Variants in TCHP observed in about 807,000 individuals in gnomAD.
TCHP encodes trichoplein keratin filament binding, also known as trichoplein keratin filament-binding protein.
Under a neutral mutation model 88.7 loss-of-function variants are expected in TCHP, and 81 were observed. That is an observed-to-expected ratio of 0.91 (90% CI 0.76 to 1.10). The LOEUF is 1.10. Among genes scored for constraint, TCHP ranks in the 50% least tolerant of loss-of-function variants. TCHP has a pLI of 0.00. For synonymous variants in TCHP, 232 were observed against 232.5 expected, an observed-to-expected ratio of 1.00 and a Z score of 0.02; for missense variants, 641 against 632.1, an observed-to-expected ratio of 1.01 and a Z score of -0.15.
At position 109,904,140 on chromosome 12, in the gene TCHP, G is replaced by A. The variant is rs1385733884; in HGVS notation, c.392G>A (p.Arg131Lys). The change falls in exon 3 of 13, where the codon AGG becomes AAG. Residue 131 changes from arginine (R) to lysine (K), a missense_variant. Arg to Lys is a conservative substitution (Grantham distance 26). Transcript: ENST00000405876. ...GKLKSAKEEQRKLIAEQLLYE... is the reference protein window; with the variant it reads ...GKLKSAKEEQKKLIAEQLLYE... ...CTGAAATCAGCCAAAGAAGAGCAGA[G>A]GAAACTGGTAACTCCCCAGAGGGCT... 6.4e-7 allele frequency: 1 copy of A among 1,568,568 alleles called. No individual in the cohort carries two copies.
rs373041578 is a variant in TCHP at position 109,904,831 on chromosome 12, A to G, written c.456+38A>G. Reference sequence around the variant, plus strand: ...GATCTCCATTGATTTATCTAAGTAGATGAAATCATGTTTCCAGACACTTTT... The same window carrying G: ...GATCTCCATTGATTTATCTAAGTAGGTGAAATCATGTTTCCAGACACTTTT... On this transcript the variant is annotated intron_variant, in intron 4 of 12. Coordinates refer to ENST00000405876, the MANE Select transcript of TCHP (RefSeq NM_001143852.2). 1.3e-5 allele frequency: 20 copies of G among 1,567,670 alleles called. No individual in the cohort carries two copies. The Middle Eastern group carries it at 5.1e-4, about 40-fold the overall frequency.
chr12:109,895,842 C>A (rs1869545579), upstream of TCHP, among the ~76,000 whole-genome samples: 1 of 152,200 alleles, frequency 6.6e-6, no homozygotes, highest in Admixed American at 6.5e-5. Context: ...GCAGCTCCAA[C>A]CTGCGGGTTC....
At chr12:109,906,394 C>G (rs1368384231) in intron 4 of TCHP, among the ~76,000 whole-genome samples, 178 bp from the exon 5 acceptor site, 1 of 152,142 alleles carries the variant, frequency 6.6e-6, no homozygotes. Flanking sequence ...GACATGCATT[C>G]ACACTATACA....
the TCHP span, among the ~76,000 whole-genome samples, chr12:109,885,856 C>T: frequency 9.6e-4 from 146 of 151,788 alleles, 1 homozygote; most frequent in African/African-American, 3.3e-3. Flanking sequence ...TAGCTCACTG[C>T]GGCCTTGAAC....
intron 1 of TCHP, among the ~76,000 whole-genome samples, chr12:109,902,014 T>G (rs1869826715): frequency 6.6e-6 from 1 of 152,230 alleles, no homozygotes; most frequent in Admixed American, 6.5e-5. Context: ...ATTGAGTGCT[T>G]GGCACATACA....
the TCHP span, among the ~76,000 whole-genome samples, chr12:109,892,483 GA>G: frequency 6.6e-6 from 1 of 152,198 alleles, no homozygotes; most frequent in Non-Finnish European, 1.5e-5. Context: ...CATGCCAAGG[GA>G]AATGGGGAGC....
rs142382446 is a variant in TCHP, at chr12:109,906,475, A to G, written c.457-97A>G. Reference sequence around the variant, plus strand: ...GTCCCCATGAAGCGAAGTCATGGCCACGTTCCCGCAGGTGGCACAGAGGGC... The same window carrying G: ...GTCCCCATGAAGCGAAGTCATGGCCGCGTTCCCGCAGGTGGCACAGAGGGC... On this transcript the variant is annotated intron_variant, in intron 4 of 12. Coordinates refer to ENST00000405876, the MANE Select transcript of TCHP (RefSeq NM_001143852.2). The G allele has an allele frequency of 1.5e-3, 1,773 of 1,164,788 alleles. 4 individuals are homozygous for G. Among genetic ancestry groups the G allele is most frequent in the Non-Finnish European group, 2.0e-3 (1,566 of 794,236 alleles). The allele number at this position is 1,164,788 out of a possible 1,614,324, so 72.2% of individuals were successfully genotyped here. A position where few individuals can be genotyped will look rare whatever the true frequency, so the allele number is the denominator to read the frequency against.
At chr12:109,915,572 C>T in intron 12 of TCHP, 26 bp downstream of exon 12, 1 of 1,591,752 alleles carries the variant, frequency 6.3e-7, no homozygotes, top group Non-Finnish European at 8.6e-7. Flanking sequence ...GGATATAGGC[C>T]AACACCGGCA....
At position 109,911,071 on chromosome 12, in the gene TCHP, C is replaced by G. The variant is rs1241947207; in HGVS notation, c.888C>G (p.Asp296Glu). The G allele has an allele frequency of 1.9e-6, 3 of 1,577,882 alleles. No homozygotes were observed. The highest frequency in any genetic ancestry group is 2.6e-6 in the Non-Finnish European group (3 of 1,162,080). Residue 296 changes from aspartate to glutamate, a missense_variant, in exon 9 of 13, where the codon GAC (aspartate) becomes GAG (glutamate). Physicochemically the swap from Asp to Glu is conservative, Grantham distance 45 (BLOSUM62 2). Coordinates refer to ENST00000405876, the MANE Select transcript of TCHP (RefSeq NM_001143852.2). Reference protein sequence around the residue: ...TQQIQEELEADRRILQALLEK... With the variant: ...TQQIQEELEAERRILQALLEK... ...CCCTCTGCTTCCTCTAGGAGGCAGACAGGCGGATCCTGCAGGCCCTCCTCG... is the reference window on the plus strand; with the variant it reads ...CCCTCTGCTTCCTCTAGGAGGCAGAGAGGCGGATCCTGCAGGCCCTCCTCG...
At chr12:109,885,928 C>T in the TCHP span, among the ~76,000 whole-genome samples, 1 of 151,964 alleles carries the variant, frequency 6.6e-6, no homozygotes, top group South Asian at 2.1e-4. Flanking sequence ...CAGGTGTGTG[C>T]CTATTATTGC....
intron 12 of TCHP, 131 bp downstream of exon 12, chr12:109,915,677 T>A: frequency 1.8e-6 from 2 of 1,114,994 alleles, no homozygotes; most frequent in Non-Finnish European, 2.5e-6. Flanking sequence ...CTTGTTTCTC[T>A]TCTCTTGTAT....
Position 109,915,472 on chromosome 12 carries a change from C to T in TCHP, c.1390C>T (p.Arg464Trp), listed in dbSNP as rs201935991. The change falls in exon 12 of 13, where the codon CGG (arginine) becomes TGG (tryptophan). Residue 464 changes from arginine (R) to tryptophan (W), a missense_variant. Transcript: ENST00000405876. ...QEEEEEEEAR[R>W]VEQLSDALLQ... ...GGAGGAGGAAGAGGAGGAGGCCCGG[C>T]GGGTCGAGCAGCTCTCAGATGCCCT... The T allele has an allele frequency of 2.5e-5, 40 of 1,613,986 alleles. No homozygotes were observed. The East Asian group carries it at 6.9e-4, about 28-fold the overall frequency.
chr12:109,889,454 A>G, the TCHP span, among the ~76,000 whole-genome samples: 1 of 141,756 alleles, frequency 7.1e-6, no homozygotes, highest in South Asian at 2.2e-4. Context: ...GGTGACAGAG[A>G]GAGACTCCAT....
At chr12:109,911,040 G>T in intron 8 of TCHP, 23 bp from the exon 9 acceptor site, 2 of 1,533,132 alleles carry the variant, frequency 1.3e-6, no homozygotes, top group Non-Finnish European at 1.8e-6. Context: ...GCCCAGCCAC[G>T]TGCCGCCCTC....
chr12:109,905,269 C>T lies in TCHP; in HGVS notation c.456+476C>T, dbSNP rs555746917. On this transcript the variant is annotated intron_variant, in intron 4 of 12. Coordinates refer to ENST00000405876, the MANE Select transcript of TCHP (RefSeq NM_001143852.2). The surrounding 1 kb of genome is among the most constrained non-coding windows in gnomAD (Gnocchi z 4.0). ...GACTGTGAGAACCAGGCTTGAGACT[C>T]GAGAACAGAGCGAGCCCTGGGAGCT... 1.9e-4 allele frequency among the ~76,000 whole-genome samples: 29 copies of T among 152,142 alleles called. No individual in the cohort carries two copies. Among genetic ancestry groups the T allele is most frequent in the Non-Finnish European group, 4.0e-4 (27 of 68,016 alleles).
the TCHP span, among the ~76,000 whole-genome samples, chr12:109,883,623 C>T: frequency 3.3e-5 from 5 of 152,062 alleles, no homozygotes; most frequent in Non-Finnish European, 5.9e-5. Flanking sequence ...AGTGCCAGAA[C>T]CCCACCCACC....
the TCHP span, among the ~76,000 whole-genome samples, chr12:109,884,751 C>T: frequency 1.3e-5 from 2 of 152,180 alleles, no homozygotes; most frequent in Non-Finnish European, 2.9e-5. Flanking sequence ...GTTACAACTA[C>T]AGTCACAAGG....
upstream of TCHP, among the ~76,000 whole-genome samples, chr12:109,896,540 T>C (rs1376077959): frequency 6.6e-6 from 1 of 152,172 alleles, no homozygotes. Context: ...CTTTTTGCTT[T>C]CTCTTAACAC....
At chr12:109,908,442 G>C (rs540527208) in intron 6 of TCHP, 144 bp from the exon 7 acceptor site, 1 of 662,982 alleles carries the variant, frequency 1.5e-6, no homozygotes, top group South Asian at 1.8e-5. Context: ...ATGAGTAAGT[G>C]AGTGGTGGGA....
Sources: allele counts gnomAD v4.1 joint callset (sites outside exome capture counted in the v4.1 genomes callset), GRCh38; gene constraint gnomAD v4.1.1; non-coding constraint Gnocchi (gnomAD v3.1); transcripts MANE v1.5; gene names NCBI Gene and HGNC (gene_info 2026-07-23, HGNC 2026-07-21).